Variants in TTC8 observed in about 807,000 individuals in gnomAD.
TTC8 encodes tetratricopeptide repeat domain 8.
TTC8 carries 47 observed loss-of-function variants against 72.5 expected under a neutral mutation model. The observed-to-expected ratio is 0.65, with a 90% CI of 0.51 to 0.83. The LOEUF (loss-of-function observed/expected upper bound fraction) is 0.83. TTC8 is among the 40% of genes least tolerant of loss of function. The pLI is 0.00. For missense variants in TTC8, 611 were observed against 623.2 expected (o/e 0.98, Z 0.21); for synonymous variants, 199 against 221.4 (o/e 0.90, Z 0.90).
upstream of TTC8, chr14:88,824,557 C>T (rs1387489450): frequency 3.3e-6 from 2 of 605,696 alleles, no homozygotes; most frequent in Non-Finnish European, 5.8e-6. Flanking sequence ...GGTTGTTTTT[C>T]TTTTTCCTGT....
In TTC8 at chr14:88,859,168, T is replaced by A. The variant is rs530820037; in HGVS notation, c.798+1891T>A. Among the ~76,000 whole-genome samples, 48 of 152,214 alleles carry A rather than the reference T, an allele frequency of 3.2e-4. 1 individual carries two copies. The highest frequency in any genetic ancestry group is 1.2e-3 in the African/African-American group (48 of 41,558). The stretch of plus-strand genomic sequence containing the variant: ...AATGTATGAATGGATGGTTATTATG[T>A]AATAGAGATCAAGCAGATTTTTGTT... On this transcript the variant is annotated intron_variant, in intron 9 of 14. Transcript: ENST00000380656.
intron 9 of TTC8, 118 bp from the exon 10 acceptor site, chr14:88,861,103 TA>T: frequency 2.4e-6 from 2 of 822,474 alleles, no homozygotes; most frequent in East Asian, 2.9e-5. Context: ...CACACCCGGC[TA>T]AAAATTCTTT....
chr14:88,847,420 G>A (rs983092912), intron 7 of TTC8, among the ~76,000 whole-genome samples: 1 of 152,098 alleles, frequency 6.6e-6, no homozygotes, highest in Non-Finnish European at 1.5e-5. Flanking sequence ...TTAACACGGA[G>A]GTGATAGTAA....
At chr14:88,855,013 A>G (rs2094849806) in intron 8 of TTC8, among the ~76,000 whole-genome samples, 1 of 152,164 alleles carries the variant, frequency 6.6e-6, no homozygotes, top group Non-Finnish European at 1.5e-5. Flanking sequence ...GTCCTTTTCA[A>G]TGAAACCAAA....
At chr14:88,874,557 C>G (rs1287341481) in intron 13 of TTC8, among the ~76,000 whole-genome samples, 3 of 152,074 alleles carry the variant, frequency 2.0e-5, no homozygotes, top group Non-Finnish European at 2.9e-5. Flanking sequence ...TCATCCAGCA[C>G]AGAATTTTGG....
intron 10 of TTC8, 77 bp from the exon 11 acceptor site, chr14:88,869,982 A>T: frequency 6.9e-7 from 1 of 1,451,946 alleles, no homozygotes; most frequent in Non-Finnish European, 9.6e-7. Context: ...GAATGAATGG[A>T]CTTAAATCAG....
chr14:88,868,640 G>A (rs1048055860), intron 10 of TTC8, among the ~76,000 whole-genome samples: 1 of 152,064 alleles, frequency 6.6e-6, no homozygotes, highest in African/African-American at 2.4e-5. Flanking sequence ...AAAATGGATA[G>A]CATCTTTTTA....
In TTC8 at chr14:88,871,617, C is replaced by T; in HGVS notation, c.1118C>T (p.Ala373Val). 3 of 1,614,052 alleles carry T rather than the reference C, an allele frequency of 1.9e-6. No individual in the cohort carries two copies. The highest frequency in any genetic ancestry group is 2.5e-6 in the Non-Finnish European group (3 of 1,180,006). ...AATCTGGGGCTGTGTTGCTTCTATG[C>T]CCAGCAGTATGATATGACTCTGACC... ...FNNLGLCCFY[A>V]QQYDMTLTSF... The change falls in exon 12 of 15, where the codon GCC becomes GTC. Residue 373 changes from alanine to valine, a missense_variant. Coordinates refer to ENST00000380656, the MANE Select transcript of TTC8 (RefSeq NM_144596.4). The surrounding 1 kb of genome is among the most constrained non-coding windows in gnomAD (Gnocchi z 4.1).
intron 5 of TTC8, 58 bp from the exon 6 acceptor site, chr14:88,841,367 T>A: frequency 6.2e-7 from 1 of 1,606,156 alleles, no homozygotes; most frequent in Non-Finnish European, 8.5e-7. Context: ...CATATTAAAC[T>A]TGTTTACATT....
chr14:88,843,127 G>A (rs2094789826), intron 6 of TTC8, among the ~76,000 whole-genome samples: 1 of 152,132 alleles, frequency 6.6e-6, no homozygotes, highest in African/African-American at 2.4e-5. Flanking sequence ...TTTGTTTAGA[G>A]GAGTTGAGTG....
rs185046111 is a variant in TTC8 at position 88,863,928 on chromosome 14, G to A, written c.909+2596G>A. On this transcript the variant is annotated intron_variant, in intron 10 of 14. Transcript: ENST00000380656. ...CAATCATCATTTGCAAATACAGATG[G>A]TTTCATCTCTTCCTTTCAATTATTT... 7.2e-4 allele frequency among the ~76,000 whole-genome samples: 110 copies of A among 152,222 alleles called. 1 individual carries two copies. The East Asian group carries it at 0.017, about 24-fold the overall frequency.
chr14:88,840,098 G>A (rs2094773291), intron 3 of TTC8: 1 of 161,594 alleles, frequency 6.2e-6, no homozygotes, highest in Non-Finnish European at 1.4e-5. Context: ...GTGAGTGTCT[G>A]TTGGGATTGT....
intron 1 of TTC8, chr14:88,830,739 A>G (rs1483143712): frequency 2.4e-5 from 10 of 416,126 alleles, no homozygotes; most frequent in Non-Finnish European, 4.8e-5. Context: ...TGCTAGACTA[A>G]GTGAAGCTGC....
intron 10 of TTC8, among the ~76,000 whole-genome samples, chr14:88,862,553 T>TCC (rs2094891285): frequency 4.9e-5 from 1 of 20,502 alleles, no homozygotes; most frequent in Non-Finnish European, 9.0e-5. Flanking sequence ...TATATATATA[T>TCC]ATATATATAT....
intron 10 of TTC8, among the ~76,000 whole-genome samples, chr14:88,863,974 C>T (rs567838340): frequency 6.6e-6 from 1 of 152,238 alleles, no homozygotes; most frequent in East Asian, 1.9e-4. Context: ...AAAAATATGT[C>T]TTACTGCTTA....
chr14:88,870,756 T>C (rs1441896330), intron 11 of TTC8, among the ~76,000 whole-genome samples: 1 of 152,204 alleles, frequency 6.6e-6, no homozygotes, highest in African/African-American at 2.4e-5. Flanking sequence ...TATGATTTCC[T>C]CCTTAGCCCT....
chr14:88,840,913 C>G lies in TTC8; in HGVS notation c.314C>G (p.Pro105Arg), dbSNP rs1214234303. ...KLPGTNQTGG[P>R]SQAVRPITQA... ...CCTGGAACTAATCAGACAGGAGGGC[C>G]TAGCCAGGCCGTTAGGTATGTACTT... The change falls in exon 4 of 15, where the codon CCT (proline) becomes CGT (arginine). Residue 105 changes from proline to arginine, a missense_variant. Pro to Arg is a moderately radical substitution (Grantham distance 103, BLOSUM62 -2). Coordinates refer to ENST00000380656, the MANE Select transcript of TTC8 (RefSeq NM_144596.4). 1 of 1,614,008 alleles carries G rather than the reference C, an allele frequency of 6.2e-7. No individual in the cohort carries two copies. The highest frequency in any genetic ancestry group is 2.2e-5 in the East Asian group (1 of 44,898).
intron 9 of TTC8, among the ~76,000 whole-genome samples, chr14:88,858,391 G>T (rs1303452104): frequency 6.6e-6 from 1 of 152,124 alleles, no homozygotes; most frequent in East Asian, 1.9e-4. Context: ...AAAAAATGTG[G>T]TAAAGGAGAT....
rs759527833 is a variant in TTC8 at position 88,861,302 on chromosome 14, C to T, written c.879C>T (p.Thr293=). 1 of 1,612,040 alleles carries T rather than the reference C, an allele frequency of 6.2e-7. No individual in the cohort carries two copies. The highest frequency in any genetic ancestry group is 8.5e-7 in the Non-Finnish European group (1 of 1,178,904). ...QGLDKFPGEV[T]LLCGIARIYE... is the part of the protein sequence containing the mutation. ...TAGATAAGTTTCCAGGAGAAGTAAC[C>T]CTGCTCTGTGGAATTGCAAGAATCT... is the stretch of plus-strand genomic sequence containing the variant. The change falls in exon 10 of 15, where the codon ACC becomes ACT. Residue 293 remains threonine (T), a synonymous_variant. Coordinates refer to ENST00000380656, the MANE Select transcript of TTC8 (RefSeq NM_144596.4).
Sources: gnomAD v4.1 joint callset for allele counts (sites outside exome capture counted in the v4.1 genomes callset) on GRCh38, gnomAD v4.1.1 for gene constraint, Gnocchi (gnomAD v3.1) non-coding constraint, MANE v1.5 for transcripts, NCBI Gene and HGNC (gene_info 2026-07-23, HGNC 2026-07-21) for gene names.